Variants in TARS3 observed in about 807,000 individuals in gnomAD.
TARS3 encodes the protein threonyl-tRNA synthetase 3, also known as threonine--tRNA ligase 2, cytoplasmic.
TARS3 carries 94 observed loss-of-function variants against 103.5 expected under a neutral mutation model. The observed-to-expected ratio is 0.91, with a 90% CI of 0.77 to 1.08. TARS3 has a LOEUF of 1.08. Among genes scored for constraint, TARS3 ranks in the 50% least tolerant of loss-of-function variants. The pLI, the probability that TARS3 is intolerant of heterozygous loss-of-function variation, is 0.00. For synonymous variants in TARS3, 416 were observed against 355.4 expected, an observed-to-expected ratio of 1.17 and a Z score of -1.92; for missense variants, 952 against 995.2, an observed-to-expected ratio of 0.96 and a Z score of 0.58.
At chr15:101,716,434 T>A (rs991748091) in intron 3 of TARS3, among the ~76,000 whole-genome samples, 2 of 152,064 alleles carry the variant, frequency 1.3e-5, no homozygotes. Flanking sequence ...CATATTAATA[T>A]ATAGGAATAA....
intron 13 of TARS3, among the ~76,000 whole-genome samples, chr15:101,672,535 C>T (rs1897851364): frequency 6.6e-6 from 1 of 152,032 alleles, no homozygotes; most frequent in South Asian, 2.1e-4. Flanking sequence ...GAGTGACGCG[C>T]CTCATGGGGA....
chr15:101,657,935 A>G, intron 16 of TARS3, 78 bp from the exon 17 acceptor site: 1 of 952,368 alleles, frequency 1.1e-6, no homozygotes, highest in Non-Finnish European at 1.5e-6. Context: ...ATAACCAAAG[A>G]TTCTTTTAAA....
rs1486990308 is a variant in TARS3, at chr15:101,723,138, C to G, written c.324G>C (p.Lys108Asn). The G allele has an allele frequency of 5.6e-6, 9 of 1,613,928 alleles. No homozygotes were observed. Among genetic ancestry groups the G allele is most frequent in the Middle Eastern group, 1.6e-4 (1 of 6,084 alleles). The change falls in exon 2 of 19, where the codon AAG (lysine) becomes AAC (asparagine). Residue 108 changes from lysine (K) to asparagine (N), a missense_variant. Transcript: ENST00000335968. ...AQPPPSQSQDKDMKKKKMKES... is the reference protein window; with the variant it reads ...AQPPPSQSQDNDMKKKKMKES... ...CCTTCATTTTCTTCTTTTTCATGTC[C>G]TTGTCTTGGCTTTGACTAGGAGGAG... is the stretch of plus-strand genomic sequence containing the variant.
intron 11 of TARS3, among the ~76,000 whole-genome samples, chr15:101,684,598 C>G (rs893400697): frequency 1.1e-4 from 17 of 152,198 alleles, no homozygotes; most frequent in African/African-American, 3.9e-4. Flanking sequence ...GTTCCTGGAA[C>G]ACCTCAAACA....
intron 8 of TARS3, among the ~76,000 whole-genome samples, chr15:101,703,562 C>T (rs1379136829): frequency 1.3e-5 from 2 of 151,984 alleles, no homozygotes; most frequent in African/African-American, 4.8e-5. Context: ...TGCACTCCAG[C>T]CTGGACAACA....
chr15:101,659,164 T>C (rs1340138743), intron 16 of TARS3, among the ~76,000 whole-genome samples: 1 of 152,220 alleles, frequency 6.6e-6, no homozygotes, highest in Non-Finnish European at 1.5e-5. Context: ...ATAAAAAAGA[T>C]GGCAGGGTAG....
In TARS3 at chr15:101,719,027, C is replaced by T. The variant is rs547235667; in HGVS notation, c.566+2099G>A. ...TGACAAGTGAGGGTAATGGACAACTCCGAACTTCCCAAAGTGCAAAATCAG... is the reference window on the plus strand; with the variant it reads ...TGACAAGTGAGGGTAATGGACAACTTCGAACTTCCCAAAGTGCAAAATCAG... On this transcript the variant is annotated intron_variant, in intron 3 of 18. Transcript: ENST00000335968. Among the ~76,000 whole-genome samples, 159 of 152,262 alleles carry T rather than the reference C, an allele frequency of 1.0e-3. 1 individual carries two copies. The highest frequency in any genetic ancestry group is 2.1e-3 in the Non-Finnish European group (140 of 68,018).
Position 101,654,331 on chromosome 15 carries a change from T to C in TARS3, c.*251A>G. ...TGTTTCACTTTCTCGATGAATAATA[T>C]TTCCCCATTTAAGTTTCTCAAGGCA... On this transcript the variant is annotated 3_prime_UTR_variant, in exon 19 of 19. Coordinates refer to ENST00000335968, the MANE Select transcript of TARS3 (RefSeq NM_152334.3). 5 of 386,058 alleles carry C rather than the reference T, an allele frequency of 1.3e-5. No homozygotes were observed. The South Asian group carries it at 2.4e-4, about 18-fold the overall frequency. 23.9% of individuals were successfully genotyped at this position (386,058 alleles called of 1,614,324 possible). A position where few individuals can be genotyped will look rare whatever the true frequency, so the allele number is the denominator to read the frequency against.
chr15:101,682,267 A>T (rs1898285275), intron 12 of TARS3, among the ~76,000 whole-genome samples: 2 of 152,188 alleles, frequency 1.3e-5, no homozygotes, highest in African/African-American at 4.8e-5. Context: ...TAGGTTTTTC[A>T]TAGAGGCCTT....
chr15:101,698,349 TA>T (rs1202903718), intron 10 of TARS3, among the ~76,000 whole-genome samples: 1 of 149,982 alleles, frequency 6.7e-6, no homozygotes, highest in African/African-American at 2.5e-5. Context: ...AAATAAAAAA[TA>T]AAAAAATACA....
chr15:101,721,504 T>C (rs1286778598), intron 2 of TARS3, among the ~76,000 whole-genome samples, 182 bp from the exon 3 acceptor site: 1 of 152,182 alleles, frequency 6.6e-6, no homozygotes, highest in Non-Finnish European at 1.5e-5. Flanking sequence ...TTGTTGTTGC[T>C]GTTGTTTTGA....
rs148257109 is a variant in TARS3 at position 101,686,030 on chromosome 15, C to T, written c.1353G>A (p.Val451=). 33 of 1,612,274 alleles carry T rather than the reference C, an allele frequency of 2.0e-5. No homozygotes were observed. In the African/African-American group the frequency reaches 4.1e-4, roughly 20 times the overall value. ...TACTGTTGTACATATTGGGAGAGAG[C>T]ACCTCCGTGAAGTCCCGTTTGTGAT... ...EEYHKRDFTE[V]LSPNMYNSKL... is the part of the protein sequence containing the mutation. The change falls in exon 11 of 19, where the codon GTG becomes GTA. Residue 451 remains valine, a synonymous_variant. Coordinates refer to ENST00000335968, the MANE Select transcript of TARS3 (RefSeq NM_152334.3).
chr15:101,659,152 G>A (rs1394880695), intron 16 of TARS3, among the ~76,000 whole-genome samples: 1 of 152,132 alleles, frequency 6.6e-6, no homozygotes, highest in African/African-American at 2.4e-5. Flanking sequence ...AATTTTTCTA[G>A]AATAAAAAAG....
At chr15:101,667,322 G>C (rs1266811345) in intron 15 of TARS3, among the ~76,000 whole-genome samples, 2 of 152,186 alleles carry the variant, frequency 1.3e-5, no homozygotes, top group Non-Finnish European at 2.9e-5. Context: ...AAAGTCACCA[G>C]CTGCATTAGC....
chr15:101,703,832 C>T (rs1313182533), intron 8 of TARS3, 27 bp downstream of exon 8: 2 of 1,472,786 alleles, frequency 1.4e-6, no homozygotes, highest in Non-Finnish European at 1.9e-6. Context: ...CTTAAGTTTA[C>T]TGTATTAAAA....
At chr15:101,723,270 C>T in intron 1 of TARS3, 106 bp from the exon 2 acceptor site, 2 of 942,608 alleles carry the variant, frequency 2.1e-6, no homozygotes, top group East Asian at 2.4e-5. Flanking sequence ...TTTAGAGGCT[C>T]ATAGCTGGGC....
chr15:101,691,982 A>T (rs1898746769), intron 10 of TARS3, among the ~76,000 whole-genome samples: 1 of 152,176 alleles, frequency 6.6e-6, no homozygotes, highest in Non-Finnish European at 1.5e-5. Context: ...CCCTCAGATC[A>T]TGGGATTTCT....
At chr15:101,660,795 C>T (rs1442741263) in intron 16 of TARS3, among the ~76,000 whole-genome samples, 2 of 152,150 alleles carry the variant, frequency 1.3e-5, no homozygotes, top group African/African-American at 4.8e-5. Context: ...CACCAGTGGC[C>T]ACTTTGCCCA....
At chr15:101,696,493 A>G (rs564087497) in intron 10 of TARS3, among the ~76,000 whole-genome samples, 1 of 152,312 alleles carries the variant, frequency 6.6e-6, no homozygotes, top group South Asian at 2.1e-4. Context: ...TGGAACTATG[A>G]AAGACAGTAA....
Sources: gnomAD v4.1 joint callset for allele counts (sites outside exome capture counted in the v4.1 genomes callset) on GRCh38, gnomAD v4.1.1 for gene constraint, MANE v1.5 for transcripts, NCBI Gene and HGNC (gene_info 2026-07-23, HGNC 2026-07-21) for gene names.